The following DST variants were observed in gnomAD, a reference collection of about 807,000 sequenced individuals.
DST encodes bullous pemphigoid antigen.
In DST, 253 loss-of-function variants were observed where a neutral mutation model predicts 875.2. That is an observed-to-expected ratio of 0.29 (90% confidence interval 0.26 to 0.32). DST has a LOEUF of 0.32. DST is among the 10% of genes least tolerant of loss of function. The pLI is 1.00. For synonymous variants in DST, 3,124 were observed against 3,197.1 expected (o/e 0.98, Z 0.77); for missense variants, 8,287 against 9,111.6 (o/e 0.91, Z 3.68).
At chr6:56,784,899 T>A (rs1395796388) in intron 4 of DST, among the ~76,000 whole-genome samples, 2 of 152,154 alleles carry the variant, frequency 1.3e-5, no homozygotes, top group African/African-American at 4.8e-5. Context: ...TACAGATGGG[T>A]TTTTGGTGTG....
At chr6:56,742,701 C>A (rs1196622742) in intron 4 of DST, among the ~76,000 whole-genome samples, 2 of 152,124 alleles carry the variant, frequency 1.3e-5, no homozygotes, top group African/African-American at 4.8e-5. Context: ...TCATCACATT[C>A]TCTCTTCTAA....
chr6:56,593,871 T>C lies in DST; in HGVS notation c.12518A>G (p.Lys4173Arg), dbSNP rs1485795118. The C allele has an allele frequency of 6.2e-7, 1 of 1,614,016 alleles. No homozygotes were observed. The highest frequency in any genetic ancestry group is 1.7e-5 in the Admixed American group (1 of 60,030). The change falls in exon 48 of 104, where the codon AAA (lysine) becomes AGA (arginine). Residue 4173 changes from lysine (K) to arginine (R), a missense_variant. Transcript: ENST00000680361. ...TGAGAAACTCTTCTGCCTCTTCAAT[T>C]TGGTCATTAAACCATTGATGTCATC... ...GADDINGLMTKLKRQKSFSED... is the reference protein window; with the variant it reads ...GADDINGLMTRLKRQKSFSED...
intron 4 of DST, among the ~76,000 whole-genome samples, chr6:56,806,414 A>G (rs1561932116): frequency 6.6e-6 from 1 of 152,240 alleles, no homozygotes; most frequent in Non-Finnish European, 1.5e-5. Context: ...GCAGAAAGCA[A>G]TATTGGAAAA....
rs377413739 is a variant in DST at position 56,604,418 on chromosome 6, T to G, written c.10210A>C (p.Thr3404Pro). The G allele has an allele frequency of 5.6e-6, 9 of 1,610,118 alleles. No homozygotes were observed. Among genetic ancestry groups the G allele is most frequent in the South Asian group, 4.4e-5 (4 of 90,754 alleles). ...CTCATTTGAGAGTCGCTGGGCACAG[T>G]AGATGCCTCATTTACCAACTGTGAT... ...TTSQLVNEAS[T>P]VPSDSQMSDS... Residue 3404 changes from threonine (T) to proline (P), a missense_variant, in exon 40 of 104, where the codon ACT becomes CCT. This residue lies in a region of DST where 3,138 missense variants were observed against 3,116.6 expected (regional missense o/e 1.01). Transcript: ENST00000680361.
At chr6:56,520,506 G>C (rs1294590329) in intron 69 of DST, among the ~76,000 whole-genome samples, 1 of 152,072 alleles carries the variant, frequency 6.6e-6, no homozygotes, top group African/African-American at 2.4e-5. Context: ...TATGCTGCTT[G>C]TGATATTTTA....
intron 4 of DST, among the ~76,000 whole-genome samples, chr6:56,783,059 T>A (rs927150695): frequency 2.6e-5 from 4 of 152,182 alleles, no homozygotes; most frequent in African/African-American, 9.7e-5. Context: ...AATCCTGAGT[T>A]CTAGTTTGAT....
At chr6:56,740,276 C>T (rs564608760) in intron 4 of DST, among the ~76,000 whole-genome samples, 2 of 152,302 alleles carry the variant, frequency 1.3e-5, no homozygotes, top group South Asian at 4.2e-4. Flanking sequence ...GACCCCTGTC[C>T]TGTAACACTG....
chr6:56,692,651 C>T (rs1007544857), intron 9 of DST: 18 of 1,289,640 alleles, frequency 1.4e-5, no homozygotes, highest in African/African-American at 3.0e-5. Context: ...AATGTTATTT[C>T]GCTTGTGTTG....
intron 73 of DST, among the ~76,000 whole-genome samples, chr6:56,510,430 C>T (rs1355756447): frequency 1.3e-5 from 2 of 151,912 alleles, no homozygotes; most frequent in Non-Finnish European, 2.9e-5. Context: ...AACAAAAAAC[C>T]TCCCCAATGT....
chr6:56,705,584 A>G (rs2099329948), intron 5 of DST, among the ~76,000 whole-genome samples: 1 of 152,212 alleles, frequency 6.6e-6, no homozygotes, highest in South Asian at 2.1e-4. Context: ...ATCTTTTGTT[A>G]GTGTCAGAAA....
intron 4 of DST, among the ~76,000 whole-genome samples, chr6:56,815,473 G>A (rs1013367445): frequency 6.6e-6 from 1 of 152,166 alleles, no homozygotes; most frequent in African/African-American, 2.4e-5. Flanking sequence ...TCTAGCTTGA[G>A]TTTGTCATCT....
At chr6:56,799,558 G>A (rs1295232037) in intron 4 of DST, among the ~76,000 whole-genome samples, 1 of 151,604 alleles carries the variant, frequency 6.6e-6, no homozygotes, top group Non-Finnish European at 1.5e-5. Flanking sequence ...CTCGCTGAAG[G>A]CTCAGATGAC....
chr6:56,849,531 A>G (rs930354726), intron 4 of DST, among the ~76,000 whole-genome samples: 2 of 152,158 alleles, frequency 1.3e-5, no homozygotes. Flanking sequence ...TTTTACAATT[A>G]ACAAGCGATG....
chr6:56,575,760 G>A (rs1334139400), intron 50 of DST, among the ~76,000 whole-genome samples: 1 of 152,114 alleles, frequency 6.6e-6, no homozygotes, highest in East Asian at 1.9e-4. Context: ...CAGACACTAA[G>A]AGAATCTTTT....
At chr6:56,631,068 C>G (rs957867810) in intron 30 of DST, 143 bp downstream of exon 30, 1 of 283,384 alleles carries the variant, frequency 3.5e-6, no homozygotes, top group Non-Finnish European at 5.6e-6. Context: ...CCGGCATGAG[C>G]CACCACGCCC....
At chr6:56,636,907 C>A (rs2098830967) in intron 22 of DST, among the ~76,000 whole-genome samples, 1 of 152,048 alleles carries the variant, frequency 6.6e-6, no homozygotes, top group Non-Finnish European at 1.5e-5. Context: ...CATGGTGAAA[C>A]CCCATCTCCA....
At chr6:56,684,927 T>A (rs192000302) in intron 9 of DST, among the ~76,000 whole-genome samples, 1 of 152,246 alleles carries the variant, frequency 6.6e-6, no homozygotes, top group Admixed American at 6.5e-5. Context: ...GAACTGGATG[T>A]CAGGGTCCAT....
At position 56,604,235 on chromosome 6, in the gene DST, T is replaced by A. The variant is rs2098473527; in HGVS notation, c.10393A>T (p.Met3465Leu). 6.2e-7 allele frequency: 1 copy of A among 1,609,508 alleles called. No individual in the cohort carries two copies. The highest frequency in any genetic ancestry group is 8.5e-7 in the Non-Finnish European group (1 of 1,177,518). The stretch of plus-strand genomic sequence containing the variant: ...TACTCCATATGAGTTAATTCTCTCA[T>A]CAATTCAAATACTCCTGTAATTTTT... ...SQKITGVFEL[M>L]RELTHMEYDL... The change falls in exon 40 of 104, where the codon ATG becomes TTG. Residue 3465 changes from methionine (M) to leucine (L), a missense_variant. Transcript: ENST00000680361.
chr6:56,728,448 A>T (rs2099478939), intron 5 of DST, among the ~76,000 whole-genome samples: 1 of 152,228 alleles, frequency 6.6e-6, no homozygotes, highest in Non-Finnish European at 1.5e-5. Flanking sequence ...TCACACCTAT[A>T]ATCCCAACAC....
Sources: allele counts gnomAD v4.1 joint callset (sites outside exome capture counted in the v4.1 genomes callset), GRCh38; gene constraint gnomAD v4.1.1; regional missense constraint gnomAD v4.1.1; transcripts MANE v1.5; gene names NCBI Gene and HGNC (gene_info 2026-07-23, HGNC 2026-07-21).